Variants in RBFOX1 observed in about 807,000 individuals in gnomAD.
RBFOX1 encodes the protein RNA binding fox-1 homolog 1, also known as RNA binding protein fox-1 homolog 1.
A neutral mutation model predicts 57.7 loss-of-function variants in RBFOX1; 8 were observed. The ratio of observed to expected loss-of-function variants is 0.14; its 90% CI spans 0.08 to 0.25. RBFOX1 has a LOEUF of 0.25. Among genes scored for constraint, RBFOX1 ranks in the 10% least tolerant of loss-of-function variants. RBFOX1 has a pLI of 1.00. For synonymous variants in RBFOX1, 326 were observed against 222.4 expected, an observed-to-expected ratio of 1.47 and a Z score of -4.15; for missense variants, 611 against 548.5, an observed-to-expected ratio of 1.11 and a Z score of -1.14.
intron 1 of RBFOX1, among the ~76,000 whole-genome samples, chr16:6,221,066 G>A (rs961269491): frequency 1.2e-4 from 18 of 151,944 alleles, no homozygotes; most frequent in South Asian, 4.2e-4. Context: ...ATGCCCCAAC[G>A]GGTAACTTTT....
At chr16:6,238,758 A>T (rs558351050) in intron 1 of RBFOX1, among the ~76,000 whole-genome samples, 1 of 152,096 alleles carries the variant, frequency 6.6e-6, no homozygotes, top group East Asian at 1.9e-4. Flanking sequence ...TTTTTTTAAA[A>T]TGTTTTTAAT....
intron 3 of RBFOX1, among the ~76,000 whole-genome samples, chr16:5,615,837 A>G (rs1237626736): frequency 6.6e-6 from 1 of 152,194 alleles, no homozygotes; most frequent in African/African-American, 2.4e-5. Context: ...TGGGGTCTTC[A>G]ATGCTTTTTT....
At chr16:5,504,672 T>G (rs1413797291) in intron 2 of RBFOX1, among the ~76,000 whole-genome samples, 2 of 152,190 alleles carry the variant, frequency 1.3e-5, no homozygotes, top group Non-Finnish European at 2.9e-5. Flanking sequence ...TTGCTGAGCA[T>G]TTGCTAGACA....
At chr16:6,307,338 G>A (rs574139210) in intron 1 of RBFOX1, among the ~76,000 whole-genome samples, 2 of 152,026 alleles carry the variant, frequency 1.3e-5, no homozygotes, top group South Asian at 4.2e-4. Context: ...AGCCAAGATC[G>A]CGCACTGCAC....
intron 1 of RBFOX1, among the ~76,000 whole-genome samples, chr16:6,254,406 T>C (rs556652060): frequency 6.6e-6 from 1 of 152,324 alleles, no homozygotes; most frequent in South Asian, 2.1e-4. Flanking sequence ...ATAAGAGCTT[T>C]CTGGATAATT....
At chr16:5,260,624 C>T (rs183708516) in intron 1 of RBFOX1, 107 of 152,260 alleles carry the variant, frequency 7.0e-4, no homozygotes, top group African/African-American at 2.4e-3. Flanking sequence ...GTTGACTGAC[C>T]ATCTCATGAA....
At chr16:7,037,170 A>G (rs1048148819) in intron 3 of RBFOX1, among the ~76,000 whole-genome samples, 5 of 140,248 alleles carry the variant, frequency 3.6e-5, no homozygotes, top group African/African-American at 1.4e-4. Flanking sequence ...CTCCTATCTT[A>G]TCCTGTGACT....
intron 3 of RBFOX1, among the ~76,000 whole-genome samples, chr16:6,801,555 C>T (rs2154258028): frequency 6.6e-6 from 1 of 152,082 alleles, no homozygotes; most frequent in East Asian, 1.9e-4. Context: ...ATTTAGGGTG[C>T]AGCAAAAGGA....
At chr16:6,589,592 G>T (rs1197811135) in intron 2 of RBFOX1, among the ~76,000 whole-genome samples, 1 of 152,186 alleles carries the variant, frequency 6.6e-6, no homozygotes, top group Non-Finnish European at 1.5e-5. Context: ...GTTATCCCAG[G>T]AGCAATCTGG....
At chr16:7,307,874 A>C (rs1703055380) in intron 4 of RBFOX1, among the ~76,000 whole-genome samples, 1 of 152,174 alleles carries the variant, frequency 6.6e-6, no homozygotes, top group Admixed American at 6.5e-5. Flanking sequence ...TCCCTGCCTC[A>C]ATCTCCTTTC....
At chr16:6,974,056 C>G (rs888542460) in intron 3 of RBFOX1, among the ~76,000 whole-genome samples, 1 of 152,158 alleles carries the variant, frequency 6.6e-6, no homozygotes, top group Non-Finnish European at 1.5e-5. Flanking sequence ...TGTTAGTTTG[C>G]TGAGGATAAT....
chr16:6,923,519 A>G (rs528631161), intron 3 of RBFOX1, among the ~76,000 whole-genome samples: 178 of 152,226 alleles, frequency 1.2e-3, no homozygotes, highest in African/African-American at 4.1e-3. Flanking sequence ...GATGATGGAG[A>G]AAGACTCCAT....
chr16:6,938,281 C>G (rs537201803), intron 3 of RBFOX1, among the ~76,000 whole-genome samples: 3 of 152,020 alleles, frequency 2.0e-5, no homozygotes, highest in African/African-American at 7.2e-5. Flanking sequence ...AGATCTTTAG[C>G]CTTTGTATTT....
At chr16:7,138,884 GT>G (rs565732172) in intron 4 of RBFOX1, among the ~76,000 whole-genome samples, 8 of 152,098 alleles carry the variant, frequency 5.3e-5, no homozygotes, top group Non-Finnish European at 1.2e-4. Flanking sequence ...TTTAGGCTCA[GT>G]GCAAGCTCCG....
chr16:7,430,517 C>T (rs1028505369), intron 4 of RBFOX1, among the ~76,000 whole-genome samples: 1 of 152,060 alleles, frequency 6.6e-6, no homozygotes, highest in African/African-American at 2.4e-5. Context: ...AAAAAATTAG[C>T]CAGCCGTGGT....
intron 3 of RBFOX1, among the ~76,000 whole-genome samples, chr16:5,746,517 A>G (rs1165168898): frequency 6.6e-6 from 1 of 152,294 alleles, no homozygotes; most frequent in East Asian, 1.9e-4. Flanking sequence ...TGAATCTATA[A>G]ATTACCTTGG....
intron 7 of RBFOX1, among the ~76,000 whole-genome samples, chr16:7,591,305 T>A (rs1377851799): frequency 1.3e-5 from 2 of 152,130 alleles, no homozygotes; most frequent in Non-Finnish European, 2.9e-5. Context: ...CTTCTAAATA[T>A]GAATTCTCTG....
intron 2 of RBFOX1, among the ~76,000 whole-genome samples, chr16:6,342,827 G>A (rs1401222558): frequency 2.6e-5 from 4 of 152,228 alleles, no homozygotes; most frequent in South Asian, 4.2e-4. Flanking sequence ...TAATCACCTT[G>A]ACATTTTGTA....
Position 5,744,321 on chromosome 16 carries a change from T to C in RBFOX1, c.319-122982T>C, listed in dbSNP as rs372650334. Among the ~76,000 whole-genome samples the C allele has an allele frequency of 9.2e-5, 14 of 152,326 alleles. No homozygotes were observed. The South Asian group carries it at 2.3e-3, about 25-fold the overall frequency. Reference sequence around the variant, plus strand: ...TTGAACCCGTTTCCTTTGCTGTCGCTCTGACTGCCTTGTGTTTTAATTATT... The same window carrying C: ...TTGAACCCGTTTCCTTTGCTGTCGCCCTGACTGCCTTGTGTTTTAATTATT... On this transcript the variant is annotated intron_variant, in intron 3 of 19. Coordinates refer to the RBFOX1 transcript ENST00000641259.
Sources: allele counts gnomAD v4.1 joint callset (sites outside exome capture counted in the v4.1 genomes callset), GRCh38; gene constraint gnomAD v4.1.1; transcripts MANE v1.5; gene names NCBI Gene and HGNC (gene_info 2026-07-23, HGNC 2026-07-21).